PPP2R5E: variants seen among roughly 807,000 people sequenced by gnomAD.
PPP2R5E encodes the protein protein phosphatase 2 regulatory subunit B'epsilon, also known as serine/threonine-protein phosphatase 2A 56 kDa regulatory subunit epsilon isoform.
Under a neutral mutation model 65.3 loss-of-function variants are expected in PPP2R5E, and 4 were observed. The observed-to-expected ratio is 0.06, with a 90% CI of 0.03 to 0.14. PPP2R5E has a LOEUF of 0.14. PPP2R5E is among the 10% of genes least tolerant of loss of function. PPP2R5E has a pLI of 1.00. For synonymous variants in PPP2R5E, 183 were observed against 187.4 expected (o/e 0.98, Z 0.19); for missense variants, 274 against 556.1 (o/e 0.49, Z 5.10).
At chr14:63,518,940 CG>C (rs1892771904) in intron 2 of PPP2R5E, among the ~76,000 whole-genome samples, 1 of 152,042 alleles carries the variant, frequency 6.6e-6, no homozygotes, top group African/African-American at 2.4e-5. Flanking sequence ...TAAAAGAGGC[CG>C]GGCGCAGTGG....
chr14:63,441,683 G>A (rs757718411), intron 3 of PPP2R5E, among the ~76,000 whole-genome samples: 3 of 152,086 alleles, frequency 2.0e-5, no homozygotes, highest in South Asian at 4.1e-4. Context: ...AGGCCGAGGC[G>A]GGCAGATCAT....
At chr14:63,422,180 C>T in intron 3 of PPP2R5E, 86 bp from the exon 4 acceptor site, 1 of 1,066,682 alleles carries the variant, frequency 9.4e-7, no homozygotes, top group Non-Finnish European at 1.4e-6. Flanking sequence ...TGAGGGGAAC[C>T]CAGATAACAA....
rs142027245 is a variant in PPP2R5E at position 63,382,102 on chromosome 14, T to C, written c.1258A>G (p.Thr420Ala). ...GTGGCTGTCAGCTCGTCAAACATGG[T>C]GCTGTTCATTTCCATAAATGCCTTC... Reference protein sequence around the residue: ...VLKAFMEMNSTMFDELTATYK... With the variant: ...VLKAFMEMNSAMFDELTATYK... Residue 420 changes from threonine to alanine, a missense_variant, in exon 13 of 14, where the codon ACC (threonine) becomes GCC (alanine). By Grantham distance (58) the Thr-to-Ala change is moderately conservative (BLOSUM62 0). Around this residue, in one of 6 missense-constraint regions of PPP2R5E, gnomAD observed 129 missense variants for 254.9 expected, o/e 0.51. Coordinates refer to ENST00000337537, the MANE Select transcript of PPP2R5E (RefSeq NM_006246.5). The C allele has an allele frequency of 9.9e-6, 16 of 1,613,794 alleles. No homozygotes were observed. The African/African-American group carries it at 1.5e-4, about 15-fold the overall frequency.
intron 2 of PPP2R5E, among the ~76,000 whole-genome samples, chr14:63,484,386 CAA>C (rs1337533104): frequency 1.3e-5 from 2 of 149,660 alleles, no homozygotes; most frequent in African/African-American, 2.5e-5. Context: ...CACACACACA[CAA>C]AGAATCGTAT....
At chr14:63,428,002 T>C (rs1460268738) in intron 3 of PPP2R5E, among the ~76,000 whole-genome samples, 2 of 152,148 alleles carry the variant, frequency 1.3e-5, no homozygotes, top group African/African-American at 4.8e-5. Flanking sequence ...CTACTCCCAT[T>C]TCTTTTTAAC....
intron 2 of PPP2R5E, among the ~76,000 whole-genome samples, chr14:63,493,433 TC>T (rs771015801): frequency 7.0e-6 from 1 of 143,088 alleles, no homozygotes; most frequent in African/African-American, 2.7e-5. Flanking sequence ...CAATCCTCTC[TC>T]AAGTGTCACA....
intron 3 of PPP2R5E, among the ~76,000 whole-genome samples, chr14:63,450,204 TC>T (rs1171053343): frequency 2.6e-5 from 4 of 152,166 alleles, no homozygotes; most frequent in African/African-American, 9.7e-5. Context: ...TATCATAATA[TC>T]CCCTTTCTGT....
At chr14:63,443,565 G>A (rs1888340897) in intron 3 of PPP2R5E, among the ~76,000 whole-genome samples, 1 of 152,042 alleles carries the variant, frequency 6.6e-6, no homozygotes, top group African/African-American at 2.4e-5. Context: ...CCACTGCACT[G>A]AAACAATGAT....
chr14:63,493,146 A>G (rs1288637265), intron 2 of PPP2R5E, among the ~76,000 whole-genome samples: 2 of 151,202 alleles, frequency 1.3e-5, no homozygotes, highest in African/African-American at 4.9e-5. Context: ...GAGCACCCTA[A>G]CTCCTTTGTG....
intron 1 of PPP2R5E, among the ~76,000 whole-genome samples, chr14:63,542,470 C>A (rs1485459083): frequency 6.6e-6 from 1 of 152,162 alleles, no homozygotes; most frequent in African/African-American, 2.4e-5. Context: ...GCTAGAGAAT[C>A]CTCCTCACAC....
intron 2 of PPP2R5E, among the ~76,000 whole-genome samples, chr14:63,531,323 C>A (rs1436980231): frequency 6.6e-6 from 1 of 150,494 alleles, no homozygotes; most frequent in Non-Finnish European, 1.5e-5. Context: ...ATATGATGTT[C>A]CCCTTCCAGT....
intron 2 of PPP2R5E, among the ~76,000 whole-genome samples, chr14:63,523,512 A>G (rs997138127): frequency 4.6e-5 from 7 of 152,098 alleles, no homozygotes; most frequent in Admixed American, 4.6e-4. Flanking sequence ...TGAAGGCAGC[A>G]TGCTCGTTAA....
intron 5 of PPP2R5E, among the ~76,000 whole-genome samples, chr14:63,404,352 C>A (rs1885947217): frequency 1.3e-5 from 2 of 152,178 alleles, no homozygotes; most frequent in Non-Finnish European, 2.9e-5. Flanking sequence ...ATGTTTTCAT[C>A]CAAAGTGCCA....
intron 2 of PPP2R5E, among the ~76,000 whole-genome samples, chr14:63,511,036 ATGG>A (rs1892432220): frequency 1.3e-5 from 2 of 152,234 alleles, no homozygotes; most frequent in Non-Finnish European, 2.9e-5. Context: ...AAGTACATTT[ATGG>A]CAGATTGCAG....
At position 63,465,450 on chromosome 14, in the gene PPP2R5E, C is replaced by CAAAAAA. The variant is rs1171345415; in HGVS notation, c.158-11571_158-11566dup. ...GCAACATGGTAAAACTCCACCTCTA[C>CAAAAAA]AAAAAAAAAAAAAAAAAAAAAAACA... On this transcript the variant is annotated intron_variant, in intron 2 of 13. Coordinates refer to ENST00000337537, the MANE Select transcript of PPP2R5E (RefSeq NM_006246.5). 6.7e-3 allele frequency among the ~76,000 whole-genome samples: 315 copies of CAAAAAA among 46,904 alleles called. 7 individuals carry two copies. Among genetic ancestry groups the CAAAAAA allele is most frequent in the African/African-American group, 0.022 (283 of 12,848 alleles). The allele number at this position is 46,904 out of a possible 152,430, so 30.8% of individuals were successfully genotyped here. A position where few individuals can be genotyped will look rare whatever the true frequency, so the allele number is the denominator to read the frequency against.
At chr14:63,421,656 C>T (rs1436218795) in intron 4 of PPP2R5E, among the ~76,000 whole-genome samples, 4 of 152,218 alleles carry the variant, frequency 2.6e-5, no homozygotes, top group Non-Finnish European at 5.9e-5. Context: ...ACTCTGTGAG[C>T]TAATCACATC....
intron 3 of PPP2R5E, among the ~76,000 whole-genome samples, chr14:63,446,721 C>T (rs767056667): frequency 1.2e-4 from 18 of 149,412 alleles, no homozygotes; most frequent in Non-Finnish European, 1.9e-4. Flanking sequence ...CTCAGCTACT[C>T]GGGAGGCTGA....
intron 13 of PPP2R5E, among the ~76,000 whole-genome samples, chr14:63,378,485 G>C (rs190709954): frequency 3.3e-5 from 5 of 152,228 alleles, no homozygotes; most frequent in Admixed American, 3.3e-4. Context: ...TGTTACTAAA[G>C]TGTTTCATGT....
chr14:63,448,688 C>T lies in PPP2R5E; in HGVS notation c.354+5001G>A, dbSNP rs112394891. ...TGTATAATGCCAGCTACTCAGGAGG[C>T]TGAGGCAGGAGAATTGCTTAAACCC... is the stretch of plus-strand genomic sequence containing the variant. On this transcript the variant is annotated intron_variant, in intron 3 of 13. Coordinates refer to ENST00000337537, the MANE Select transcript of PPP2R5E (RefSeq NM_006246.5). Among the ~76,000 whole-genome samples, 530 of 150,352 alleles carry T rather than the reference C, an allele frequency of 3.5e-3. 2 individuals are homozygous for T. The highest frequency in any genetic ancestry group is 0.012 in the African/African-American group (500 of 40,738).
Sources: gnomAD v4.1 joint callset for allele counts (sites outside exome capture counted in the v4.1 genomes callset) on GRCh38, gnomAD v4.1.1 for gene constraint, gnomAD v4.1.1 regional missense constraint, MANE v1.5 for transcripts, NCBI Gene and HGNC (gene_info 2026-07-23, HGNC 2026-07-21) for gene names.